INHBB: variants seen among roughly 807,000 people sequenced by gnomAD.
INHBB encodes inhibin beta B chain.
Under a neutral mutation model 28.9 loss-of-function variants are expected in INHBB, and 8 were observed. The ratio of observed to expected loss-of-function variants is 0.28; its 90% confidence interval spans 0.16 to 0.50. The LOEUF is 0.50. Among genes scored for constraint, INHBB ranks in the 20% least tolerant of loss-of-function variants. The pLI is 0.98. For synonymous variants in INHBB, 293 were observed against 262.7 expected (o/e 1.12, Z -1.12); for missense variants, 499 against 597.8 (o/e 0.83, Z 1.72).
chr2:120,349,560 T>G lies in INHBB; in HGVS notation c.910T>G (p.Cys304Gly). The change falls in exon 2 of 2, where the codon TGC (cysteine) becomes GGC (glycine). Residue 304 changes from cysteine (C) to glycine (G), a missense_variant. By Grantham distance (159) the Cys-to-Gly change is radical. Transcript: ENST00000295228. This position sits in a 1 kb window ranked among gnomAD's most constrained non-coding sequence, Gnocchi z 5.6. Reference sequence around the variant, plus strand: ...GTGCGATGGCCGGACCAACCTCTGTTGCAGGCAACAGTTCTTCATTGACTT... The same window carrying G: ...GTGCGATGGCCGGACCAACCTCTGTGGCAGGCAACAGTTCTTCATTGACTT... The part of the protein sequence containing the change: ...LECDGRTNLC[C>G]RQQFFIDFRL... The G allele has an allele frequency of 6.2e-7, 1 of 1,614,086 alleles. No homozygotes were observed. Among genetic ancestry groups the G allele is most frequent in the Non-Finnish European group, 8.5e-7 (1 of 1,180,042 alleles).
rs747151266 is a variant in INHBB at position 120,346,568 on chromosome 2, A to G, written c.380A>G (p.Asp127Gly). The G allele has an allele frequency of 1.3e-6, 2 of 1,488,518 alleles. No individual in the cohort carries two copies. Among genetic ancestry groups the G allele is most frequent in the Non-Finnish European group, 1.8e-6 (2 of 1,126,062 alleles). 92.2% of individuals were successfully genotyped at this position (1,488,518 alleles called of 1,614,324 possible). ...GGCCGCGTGGAGATCCCGCACCTCG[A>G]CGGCCACGCCAGCCCGGGCGCCGAC... ...EDGRVEIPHL[D>G]GHASPGADGQ... Residue 127 changes from aspartate to glycine, a missense_variant, in exon 1 of 2, where the codon GAC becomes GGC. This residue lies in a region of INHBB where 385 missense variants were observed against 415.2 expected (regional missense o/e 0.93). Coordinates refer to ENST00000295228, the MANE Select transcript of INHBB (RefSeq NM_002193.4).
rs1403043719 is a variant in INHBB, at chr2:120,350,474, G to A, written c.*600G>A. On this transcript the variant is annotated 3_prime_UTR_variant, in exon 2 of 2. Coordinates refer to ENST00000295228, the MANE Select transcript of INHBB (RefSeq NM_002193.4). Reference sequence around the variant, plus strand: ...TCCTTCGTGCTTCAAGGCCTGGGGAGCCTGTCCTTCCATGCCCTTGTCGAG... The same window carrying A: ...TCCTTCGTGCTTCAAGGCCTGGGGAACCTGTCCTTCCATGCCCTTGTCGAG... 1 of 153,684 alleles carries A rather than the reference G, an allele frequency of 6.5e-6. No homozygotes were observed. Among genetic ancestry groups the A allele is most frequent in the East Asian group, 1.9e-4 (1 of 5,192 alleles). The allele number at this position is 153,684 out of a possible 1,614,324, so 9.5% of individuals were successfully genotyped here. A position where few individuals can be genotyped will look rare whatever the true frequency, so the allele number is the denominator to read the frequency against.
chr2:120,349,317 C>A lies in INHBB; in HGVS notation c.667C>A (p.Arg223Ser), dbSNP rs780625208. The A allele has an allele frequency of 2.5e-6, 4 of 1,614,132 alleles. No individual in the cohort carries two copies. The East Asian group carries it at 8.9e-5, about 36-fold the overall frequency. The change falls in exon 2 of 2, where the codon CGC (arginine) becomes AGC (serine). Residue 223 changes from arginine (R) to serine (S), a missense_variant. Coordinates refer to ENST00000295228, the MANE Select transcript of INHBB (RefSeq NM_002193.4). The surrounding 1 kb of genome is among the most constrained non-coding windows in gnomAD (Gnocchi z 5.6). ...GGTGGAGAAGAGGGTGGACCTCAAGCGCAGCGGCTGGCATACCTTCCCACT... is the reference window on the plus strand; with the variant it reads ...GGTGGAGAAGAGGGTGGACCTCAAGAGCAGCGGCTGGCATACCTTCCCACT... Reference protein sequence around the residue: ...NMVEKRVDLKRSGWHTFPLTE... With the variant: ...NMVEKRVDLKSSGWHTFPLTE...
rs756397739 is a variant in INHBB, at chr2:120,349,158, A to G, written c.508A>G (p.Asn170Asp). The G allele has an allele frequency of 2.0e-5, 33 of 1,613,952 alleles. No individual in the cohort carries two copies. Among genetic ancestry groups the G allele is most frequent in the Non-Finnish European group, 2.7e-5 (32 of 1,179,950 alleles). The change falls in exon 2 of 2, where the codon AAC (asparagine) becomes GAC (aspartate). Residue 170 changes from asparagine to aspartate, a missense_variant. Asn to Asp is a conservative substitution (Grantham distance 23). This residue lies in a region of INHBB where 385 missense variants were observed against 415.2 expected (regional missense o/e 0.93). Transcript: ENST00000295228. The surrounding 1 kb of genome is among the most constrained non-coding windows in gnomAD (Gnocchi z 5.6). ...CTTCATCTCCAACGAAGGCAACCAGAACCTGTTTGTGGTCCAGGCCAGCCT... is the reference window on the plus strand; with the variant it reads ...CTTCATCTCCAACGAAGGCAACCAGGACCTGTTTGTGGTCCAGGCCAGCCT... The part of the protein sequence containing the change: ...YFFISNEGNQ[N>D]LFVVQASLWL...
chr2:120,349,562 C>T lies in INHBB; in HGVS notation c.912C>T (p.Cys304=). Residue 304 remains cysteine, a synonymous_variant, in exon 2 of 2, where the codon TGC becomes TGT. Transcript: ENST00000295228. The surrounding 1 kb of genome is among the most constrained non-coding windows in gnomAD (Gnocchi z 5.6). ...GCGATGGCCGGACCAACCTCTGTTG[C>T]AGGCAACAGTTCTTCATTGACTTCC... ...LECDGRTNLC[C]RQQFFIDFRL... is the part of the protein sequence containing the mutation. 1 of 1,614,098 alleles carries T rather than the reference C, an allele frequency of 6.2e-7. No individual in the cohort carries two copies. The highest frequency in any genetic ancestry group is 8.5e-7 in the Non-Finnish European group (1 of 1,180,034).
intron 1 of INHBB, among the ~76,000 whole-genome samples, chr2:120,347,179 G>T (rs963416526): frequency 3.3e-5 from 5 of 152,204 alleles, no homozygotes; most frequent in African/African-American, 1.2e-4. Context: ...GATTGCTGAA[G>T]CCTCGCTGGG....
rs762584441 is a variant in INHBB, at chr2:120,349,746, G to A, written c.1096G>A (p.Gly366Ser). 21 of 1,613,652 alleles carry A rather than the reference G, an allele frequency of 1.3e-5. No individual in the cohort carries two copies. The highest frequency in any genetic ancestry group is 6.7e-5 in the East Asian group (3 of 44,886). ...GTACCGCATGCGGGGTCTGAACCCCGGCACGGTGAACTCCTGCTGCATTCC... is the reference window on the plus strand; with the variant it reads ...GTACCGCATGCGGGGTCTGAACCCCAGCACGGTGAACTCCTGCTGCATTCC... ...NQYRMRGLNP[G>S]TVNSCCIPTK... The change falls in exon 2 of 2, where the codon GGC (glycine) becomes AGC (serine). Residue 366 changes from glycine to serine, a missense_variant. By Grantham distance (56) the Gly-to-Ser change is moderately conservative (BLOSUM62 0). Around this residue, in one of 2 missense-constraint regions of INHBB, gnomAD observed 114 missense variants for 182.6 expected, o/e 0.62. Transcript: ENST00000295228. This position sits in a 1 kb window ranked among gnomAD's most constrained non-coding sequence, Gnocchi z 5.6.
chr2:120,349,056 T>C lies in INHBB; in HGVS notation c.449-43T>C. The C allele has an allele frequency of 6.4e-7, 1 of 1,554,844 alleles. No individual in the cohort carries two copies. The highest frequency in any genetic ancestry group is 8.7e-7 in the Non-Finnish European group (1 of 1,148,262). On this transcript the variant is annotated intron_variant, in intron 1 of 1. Coordinates refer to ENST00000295228, the MANE Select transcript of INHBB (RefSeq NM_002193.4). The surrounding 1 kb of genome is among the most constrained non-coding windows in gnomAD (Gnocchi z 5.6). ...AGTGTGTTTCCCCCATTGCCTTGTG[T>C]TCTCCTTGAATTAACTTGGCTCGCC...
intron 1 of INHBB, 120 bp downstream of exon 1, chr2:120,346,756 T>C: frequency 9.6e-7 from 1 of 1,039,772 alleles, no homozygotes; most frequent in Non-Finnish European, 1.3e-6. Flanking sequence ...CAGCCTGGAC[T>C]CCCGGCAGAG....
chr2:120,346,345 G>A lies in INHBB; in HGVS notation c.157G>A (p.Asp53Asn), dbSNP rs765759011. Reference protein sequence around the residue: ...PPPGSPGGSQDTCTSCGGFRR... With the variant: ...PPPGSPGGSQNTCTSCGGFRR... ...ACCCGGATCCCCGGGTGGCTCGCAG[G>A]ACACCTGTACGTCGTGCGGCGGCTT... Residue 53 changes from aspartate (D) to asparagine (N), a missense_variant, in exon 1 of 2, where the codon GAC (aspartate) becomes AAC (asparagine). Asp to Asn is a conservative substitution (Grantham distance 23). Transcript: ENST00000295228. The A allele has an allele frequency of 3.0e-5, 43 of 1,414,852 alleles. No individual in the cohort carries two copies. The East Asian group carries it at 1.1e-3, about 37-fold the overall frequency. 87.6% of individuals were successfully genotyped at this position (1,414,852 alleles called of 1,614,324 possible).
chr2:120,347,232 T>C (rs1691173318), intron 1 of INHBB, among the ~76,000 whole-genome samples: 1 of 152,116 alleles, frequency 6.6e-6, no homozygotes, highest in Non-Finnish European at 1.5e-5. Flanking sequence ...GGCACCGGAA[T>C]CGGGCGGAAG....
At position 120,349,940 on chromosome 2, in the gene INHBB, C is replaced by T; in HGVS notation, c.*66C>T. 6.6e-7 allele frequency: 1 copy of T among 1,507,726 alleles called. No individual in the cohort carries two copies. The highest frequency in any genetic ancestry group is 9.0e-7 in the Non-Finnish European group (1 of 1,107,572). 93.4% of individuals were successfully genotyped at this position (1,507,726 alleles called of 1,614,324 possible). A position where few individuals can be genotyped will look rare whatever the true frequency, so the allele number is the denominator to read the frequency against. Reference sequence around the variant, plus strand: ...GTCCCGGGTGGGCTTCTTCCAGCCCCCGCGGGAACGGGGGTACACGGTGGG... The same window carrying T: ...GTCCCGGGTGGGCTTCTTCCAGCCCTCGCGGGAACGGGGGTACACGGTGGG... On this transcript the variant is annotated 3_prime_UTR_variant, in exon 2 of 2. Transcript: ENST00000295228. The surrounding 1 kb of genome is among the most constrained non-coding windows in gnomAD (Gnocchi z 5.6).
chr2:120,350,126 A>C lies in INHBB; in HGVS notation c.*252A>C. The C allele has an allele frequency of 2.0e-6, 1 of 493,118 alleles. No homozygotes were observed. Among genetic ancestry groups the C allele is most frequent in the East Asian group, 3.4e-5 (1 of 29,202 alleles). The allele number at this position is 493,118 out of a possible 1,614,324, so 30.5% of individuals were successfully genotyped here. ...CACGTAGCCACGCACAGCCAGACGC[A>C]TCCTGCCACCCACACAGCAGCCTCC... is the stretch of plus-strand genomic sequence containing the variant. On this transcript the variant is annotated 3_prime_UTR_variant, in exon 2 of 2. Transcript: ENST00000295228.
intron 1 of INHBB, 122 bp downstream of exon 1, chr2:120,346,758 C>T (rs1691163790): frequency 1.0e-6 from 1 of 1,004,270 alleles, no homozygotes; most frequent in Non-Finnish European, 1.3e-6. Flanking sequence ...GCCTGGACTC[C>T]CGGCAGAGCT....
chr2:120,347,617 G>A (rs1360650250), intron 1 of INHBB, among the ~76,000 whole-genome samples: 3 of 152,226 alleles, frequency 2.0e-5, no homozygotes, highest in Non-Finnish European at 4.4e-5. Context: ...CTGCGGAGAA[G>A]GTCGCAGAGG....
rs1455589501 is a variant in INHBB at position 120,350,726 on chromosome 2, GGTATGACCTTTTAA to G, written c.*855_*868del. On this transcript the variant is annotated 3_prime_UTR_variant, in exon 2 of 2. Transcript: ENST00000295228. ...TAACTGAAAAAGGACTTTTCTACCA[GGTATGACCTTTTAA>G]GTGAAAATCTGAATTGTTCTAAATG... 6.6e-6 allele frequency: 1 copy of G among 152,238 alleles called. No homozygotes were observed. Among genetic ancestry groups the G allele is most frequent in the Non-Finnish European group, 1.5e-5 (1 of 68,048 alleles). 9.4% of individuals were successfully genotyped at this position (152,238 alleles called of 1,614,324 possible).
rs993235638 is a variant in INHBB, at chr2:120,349,973, C to T, written c.*99C>T. 3 of 1,207,702 alleles carry T rather than the reference C, an allele frequency of 2.5e-6. No individual in the cohort carries two copies. Among genetic ancestry groups the T allele is most frequent in the African/African-American group, 3.0e-5 (2 of 65,968 alleles). The allele number at this position is 1,207,702 out of a possible 1,614,324, so 74.8% of individuals were successfully genotyped here. A position where few individuals can be genotyped will look rare whatever the true frequency, so the allele number is the denominator to read the frequency against. ...ACGGGGGTACACGGTGGGCTGAGTA[C>T]AGTCATTCTGTTGGGCTGTGGAGAT... On this transcript the variant is annotated 3_prime_UTR_variant, in exon 2 of 2. Coordinates refer to ENST00000295228, the MANE Select transcript of INHBB (RefSeq NM_002193.4). The surrounding 1 kb of genome is among the most constrained non-coding windows in gnomAD (Gnocchi z 5.6).
chr2:120,346,344 G>C lies in INHBB; in HGVS notation c.156G>C (p.Gln52His). The stretch of plus-strand genomic sequence containing the variant: ...CACCCGGATCCCCGGGTGGCTCGCA[G>C]GACACCTGTACGTCGTGCGGCGGCT... ...PPPPGSPGGS[Q>H]DTCTSCGGFR... is the part of the protein sequence containing the mutation. Residue 52 changes from glutamine to histidine, a missense_variant, in exon 1 of 2, where the codon CAG (glutamine) becomes CAC (histidine). Physicochemically the swap from Gln to His is conservative, Grantham distance 24. This residue lies in a region of INHBB where 385 missense variants were observed against 415.2 expected (regional missense o/e 0.93). Transcript: ENST00000295228. The C allele has an allele frequency of 7.1e-7, 1 of 1,413,466 alleles. No homozygotes were observed. Among genetic ancestry groups the C allele is most frequent in the African/African-American group, 1.5e-5 (1 of 66,038 alleles). The allele number at this position is 1,413,466 out of a possible 1,614,324, so 87.6% of individuals were successfully genotyped here.
chr2:120,348,495 T>G (rs1257158738), intron 1 of INHBB, among the ~76,000 whole-genome samples: 4 of 152,042 alleles, frequency 2.6e-5, no homozygotes, highest in Non-Finnish European at 5.9e-5. Context: ...AGGGCTAGGC[T>G]CTGCAGCCTG....
Sources: gnomAD v4.1 joint callset for allele counts (sites outside exome capture counted in the v4.1 genomes callset) on GRCh38, gnomAD v4.1.1 for gene constraint, gnomAD v4.1.1 regional missense constraint, Gnocchi (gnomAD v3.1) non-coding constraint, MANE v1.5 for transcripts, NCBI Gene and HGNC (gene_info 2026-07-23, HGNC 2026-07-21) for gene names.